CNPY1: variants seen among roughly 807,000 people sequenced by gnomAD.
The protein encoded by CNPY1 is protein canopy homolog 1.
CNPY1 carries 14 observed loss-of-function variants against 14.4 expected under a neutral mutation model. The ratio of observed to expected loss-of-function variants is 0.97; its 90% confidence interval spans 0.64 to 1.52. The LOEUF (loss-of-function observed/expected upper bound fraction) is 1.52, where lower values mean the gene tolerates loss of function less well. CNPY1 is among the 40% of genes most tolerant of loss of function. CNPY1 has a pLI of 0.00. For synonymous variants in CNPY1, 43 were observed against 46.5 expected, an observed-to-expected ratio of 0.92 and a Z score of 0.31; for missense variants, 129 against 131.5, an observed-to-expected ratio of 0.98 and a Z score of 0.09.
intron 3 of CNPY1, among the ~76,000 whole-genome samples, chr7:155,507,471 T>TTAA (rs1796361684): frequency 1.8e-5 from 1 of 54,156 alleles, no homozygotes; most frequent in East Asian, 7.6e-4. Context: ...GTTTTTAAAC[T>TTAA]AAAAAAAAAA....
rs538451433 is a variant in CNPY1 at position 155,527,851 on chromosome 7, C to T, written c.99+17980G>A. 2.2e-4 allele frequency among the ~76,000 whole-genome samples: 33 copies of T among 152,322 alleles called. No homozygotes were observed. The Middle Eastern group carries it at 0.01, about 47-fold the overall frequency. On this transcript the variant is annotated intron_variant, in intron 2 of 4. Transcript: ENST00000636446. ...TTTGCACAGGGCCTGGAAAGCCACA[C>T]ACAGGGGTCCCGGCCGCTGCTGGGC...
chr7:155,545,478 G>T (rs953945956), intron 2 of CNPY1, among the ~76,000 whole-genome samples: 20 of 152,166 alleles, frequency 1.3e-4, no homozygotes, highest in African/African-American at 3.4e-4. Context: ...AGGGAGTGTG[G>T]TACCCAGGAG....
At chr7:155,514,632 C>T (rs1474389668) in intron 2 of CNPY1, among the ~76,000 whole-genome samples, 1 of 152,166 alleles carries the variant, frequency 6.6e-6, no homozygotes, top group Non-Finnish European at 1.5e-5. Flanking sequence ...CAGTGGCTCA[C>T]ACCTGTAATC....
intron 2 of CNPY1, among the ~76,000 whole-genome samples, chr7:155,509,841 C>T (rs1796476748): frequency 6.6e-6 from 1 of 152,216 alleles, no homozygotes; most frequent in Non-Finnish European, 1.5e-5. Flanking sequence ...GACCCTTTGG[C>T]CACCACCTCC....
chr7:155,517,549 A>C (rs538986973), intron 2 of CNPY1, among the ~76,000 whole-genome samples: 4 of 152,194 alleles, frequency 2.6e-5, no homozygotes, highest in African/African-American at 4.8e-5. Flanking sequence ...CACCTCCAGG[A>C]AGCCTGGACA....
chr7:155,541,264 C>T (rs1797081163), intron 2 of CNPY1, among the ~76,000 whole-genome samples: 1 of 152,218 alleles, frequency 6.6e-6, no homozygotes, highest in Admixed American at 6.5e-5. Context: ...CTATCATGAA[C>T]ATCGAGCAAG....
Position 155,503,031 on chromosome 7 carries a change from G to A in CNPY1, c.*37C>T, listed in dbSNP as rs926992501. The A allele has an allele frequency of 1.4e-5, 22 of 1,589,932 alleles. No individual in the cohort carries two copies. The highest frequency in any genetic ancestry group is 1.6e-5 in the Non-Finnish European group (19 of 1,164,786). On this transcript the variant is annotated 3_prime_UTR_variant, in exon 5 of 5. Transcript: ENST00000636446. ...AATGCAGACATTGACCTTTGGGTGT[G>A]ACTTTACTCCTCTCTACGACCAGCA...
intron 3 of CNPY1, among the ~76,000 whole-genome samples, 156 bp from the exon 4 acceptor site, chr7:155,507,272 A>T (rs1796350399): frequency 6.6e-6 from 1 of 151,974 alleles, no homozygotes; most frequent in Non-Finnish European, 1.5e-5. Flanking sequence ...ACATCATTGC[A>T]TTGGATTAAC....
At chr7:155,528,588 C>T (rs1032444705) in intron 2 of CNPY1, among the ~76,000 whole-genome samples, 1 of 152,348 alleles carries the variant, frequency 6.6e-6, no homozygotes, top group South Asian at 2.1e-4. Context: ...GACCCCTGTC[C>T]CCGCATAGGC....
At chr7:155,517,870 G>C (rs137862500) in intron 2 of CNPY1, among the ~76,000 whole-genome samples, 2 of 152,238 alleles carry the variant, frequency 1.3e-5, no homozygotes, top group Admixed American at 1.3e-4. Context: ...CATTTGATGC[G>C]ATACAGAAAG....
chr7:155,540,354 G>C (rs1303510849), intron 2 of CNPY1, among the ~76,000 whole-genome samples: 4 of 152,122 alleles, frequency 2.6e-5, no homozygotes, highest in Non-Finnish European at 5.9e-5. Flanking sequence ...AAATGGTATT[G>C]GAATTTTTCT....
At chr7:155,544,346 C>T (rs1797134828) in intron 2 of CNPY1, among the ~76,000 whole-genome samples, 1 of 152,240 alleles carries the variant, frequency 6.6e-6, no homozygotes, top group African/African-American at 2.4e-5. Flanking sequence ...CACCCGGCTC[C>T]TCCCCTTCCA....
chr7:155,535,826 C>T (rs1198639546), intron 2 of CNPY1, among the ~76,000 whole-genome samples: 3 of 152,258 alleles, frequency 2.0e-5, no homozygotes, highest in Non-Finnish European at 2.9e-5. Flanking sequence ...AGGCGGTGGA[C>T]GGAGAGCCAG....
At position 155,502,578 on chromosome 7, in the gene CNPY1, T is replaced by C. The variant is rs4716653; in HGVS notation, c.*490A>G. ...CTGATAAAAAGTGGGTTTCTTTCACTAATAGCCATATCTCACCCAGAAGGC... is the reference window on the plus strand; with the variant it reads ...CTGATAAAAAGTGGGTTTCTTTCACCAATAGCCATATCTCACCCAGAAGGC... On this transcript the variant is annotated 3_prime_UTR_variant, in exon 5 of 5. Coordinates refer to ENST00000636446, the MANE Select transcript of CNPY1 (RefSeq NM_001393663.1). 84,323 of 152,552 alleles carry C rather than the reference T, an allele frequency of 0.55. 24,706 individuals carry two copies. Among genetic ancestry groups the C allele is most frequent in the African/African-American group, 0.75 (31,216 of 41,494 alleles). The allele number at this position is 152,552 out of a possible 1,614,324, so 9.4% of individuals were successfully genotyped here. A position where few individuals can be genotyped will look rare whatever the true frequency, so the allele number is the denominator to read the frequency against.
At chr7:155,514,250 A>G (rs1796575769) in intron 2 of CNPY1, among the ~76,000 whole-genome samples, 2 of 152,278 alleles carry the variant, frequency 1.3e-5, no homozygotes, top group South Asian at 4.1e-4. Context: ...GTTTAAAAAG[A>G]GGACGCTTCC....
At chr7:155,510,639 CATGA>C (rs1007193856) in intron 2 of CNPY1, among the ~76,000 whole-genome samples, 1 of 152,222 alleles carries the variant, frequency 6.6e-6, no homozygotes, top group Non-Finnish European at 1.5e-5. Flanking sequence ...TTTTAAAACT[CATGA>C]ATGTTTTAAT....
chr7:155,546,091 A>G (rs1797153412), intron 1 of CNPY1, 148 bp from the exon 2 acceptor site: 1 of 397,562 alleles, frequency 2.5e-6, no homozygotes, highest in Non-Finnish European at 4.4e-6. Flanking sequence ...TCCTCTGCAG[A>G]GTTTTCAAAG....
intron 2 of CNPY1, among the ~76,000 whole-genome samples, chr7:155,543,203 C>T (rs1396616030): frequency 5.3e-5 from 8 of 152,280 alleles, no homozygotes; most frequent in South Asian, 2.1e-4. Flanking sequence ...CCAGCCGGGC[C>T]GGGCTGGGAA....
Position 155,544,762 on chromosome 7 carries a change from C to T in CNPY1, c.99+1069G>A, listed in dbSNP as rs1037889310. On this transcript the variant is annotated intron_variant, in intron 2 of 4. Transcript: ENST00000636446. ...CCAGTGGGCCTGCACGGGGTCCCTCCGGTGGACTTGCCAGACACGGCTCTT... is the reference window on the plus strand; with the variant it reads ...CCAGTGGGCCTGCACGGGGTCCCTCTGGTGGACTTGCCAGACACGGCTCTT... 8.5e-5 allele frequency among the ~76,000 whole-genome samples: 13 copies of T among 152,342 alleles called. No homozygotes were observed. In the East Asian group the frequency reaches 9.7e-4, roughly 11 times the overall value.
Sources: allele counts gnomAD v4.1 joint callset (sites outside exome capture counted in the v4.1 genomes callset), GRCh38; gene constraint gnomAD v4.1.1; transcripts MANE v1.5; gene names NCBI Gene and HGNC (gene_info 2026-07-23, HGNC 2026-07-21).